The following HPS5 variants were observed in gnomAD, a reference collection of about 807,000 sequenced individuals.
HPS5 encodes the protein HPS5 biogenesis of lysosomal organelles complex 2 subunit 2.
Under a neutral mutation model 128.0 loss-of-function variants are expected in HPS5, and 83 were observed. That is an observed-to-expected ratio of 0.65 (90% CI 0.54 to 0.78). HPS5 has a LOEUF of 0.78. HPS5 is among the 30% of genes least tolerant of loss of function. The pLI, the probability that HPS5 is intolerant of heterozygous loss-of-function variation, is 0.00. For missense variants in HPS5, 1,281 were observed against 1,326.2 expected, an observed-to-expected ratio of 0.97 and a Z score of 0.53; for synonymous variants, 475 against 470.2, an observed-to-expected ratio of 1.01 and a Z score of -0.13.
Position 18,298,673 on chromosome 11 carries a change from T to A in HPS5, c.1164+119A>T, listed in dbSNP as rs1204181603. The A allele has an allele frequency of 7.5e-6, 7 of 934,074 alleles. No homozygotes were observed. In the African/African-American group the frequency reaches 8.1e-5, roughly 11 times the overall value. The allele number at this position is 934,074 out of a possible 1,614,324, so 57.9% of individuals were successfully genotyped here. A position where few individuals can be genotyped will look rare whatever the true frequency, so the allele number is the denominator to read the frequency against. ...CATGCTTTCTCTGGGCATGTATTGC[T>A]GTATCTGTAGGTCACACAGACAGGG... On this transcript the variant is annotated intron_variant, in intron 10 of 22. Coordinates refer to ENST00000349215, the MANE Select transcript of HPS5 (RefSeq NM_181507.2).
chr11:18,284,302 T>C (rs1489968316), intron 20 of HPS5, among the ~76,000 whole-genome samples: 1 of 152,232 alleles, frequency 6.6e-6, no homozygotes, highest in Non-Finnish European at 1.5e-5. Flanking sequence ...TCTCCAAATA[T>C]GTAAACCTTG....
intron 8 of HPS5, among the ~76,000 whole-genome samples, chr11:18,302,937 TG>T: frequency 6.8e-6 from 1 of 147,476 alleles, no homozygotes; most frequent in African/African-American, 2.5e-5. Flanking sequence ...CTAGATTAGA[TG>T]GGGGGCTGAG....
At position 18,287,408 on chromosome 11, in the gene HPS5, T is replaced by C. The variant is rs919285386; in HGVS notation, c.2717+127A>G. ...GAATGTTACAAGGCCTCCCAAATCC[T>C]CCTCTTCCATAGTATGTGCCTCAAC... On this transcript the variant is annotated intron_variant, in intron 18 of 22. Coordinates refer to ENST00000349215, the MANE Select transcript of HPS5 (RefSeq NM_181507.2). The C allele has an allele frequency of 3.9e-5, 40 of 1,034,156 alleles. No homozygotes were observed. The Admixed American group carries it at 7.2e-4, about 19-fold the overall frequency. The allele number at this position is 1,034,156 out of a possible 1,614,324, so 64.1% of individuals were successfully genotyped here.
At chr11:18,289,133 G>A (rs1434179987) in intron 16 of HPS5, among the ~76,000 whole-genome samples, 1 of 152,108 alleles carries the variant, frequency 6.6e-6, no homozygotes, top group Non-Finnish European at 1.5e-5. Context: ...AGAAGGGTGA[G>A]GCCTACTCAC....
In HPS5 at chr11:18,297,670, C is replaced by T. The variant is rs767250475; in HGVS notation, c.1212G>A (p.Gln404=). The part of the protein sequence containing the change: ...TADKLEHLKS[Q]LDHGTYNDLI... ...GATCATTGTAGGTGCCATGGTCCAG[C>T]TGAGATTTCAAATGCTCCAATTTAT... The change falls in exon 11 of 23, where the codon CAG becomes CAA. Residue 404 remains glutamine (Q), a synonymous_variant. Transcript: ENST00000349215. The T allele has an allele frequency of 8.7e-6, 14 of 1,614,072 alleles. No homozygotes were observed. The highest frequency in any genetic ancestry group is 1.2e-5 in the Non-Finnish European group (14 of 1,179,932).
At chr11:18,297,501 A>G in intron 11 of HPS5, 58 bp downstream of exon 11, 1 of 1,527,250 alleles carries the variant, frequency 6.5e-7, no homozygotes, top group African/African-American at 1.4e-5. Flanking sequence ...GTAAATAAGA[A>G]CAACCGAAGA....
At chr11:18,321,058 T>C (rs1461316017) in intron 1 of HPS5, among the ~76,000 whole-genome samples, 1 of 152,264 alleles carries the variant, frequency 6.6e-6, no homozygotes, top group Non-Finnish European at 1.5e-5. Context: ...AACAGCAGAA[T>C]GCTGATAATT....
intron 9 of HPS5, among the ~76,000 whole-genome samples, chr11:18,299,240 T>C (rs574818388): frequency 1.3e-5 from 2 of 152,336 alleles, no homozygotes; most frequent in East Asian, 3.9e-4. Context: ...TGAAAAGGAA[T>C]TGGGACATTA....
Position 18,283,674 on chromosome 11 carries a change from C to G in HPS5, c.3058+121G>C, listed in dbSNP as rs545740406. The G allele has an allele frequency of 2.2e-4, 162 of 737,572 alleles. No individual in the cohort carries two copies. In the African/African-American group the frequency reaches 2.5e-3, roughly 12 times the overall value. 45.7% of individuals were successfully genotyped at this position (737,572 alleles called of 1,614,324 possible). On this transcript the variant is annotated intron_variant, in intron 21 of 22. Transcript: ENST00000349215. ...AACAAAAACTCCACAAATGTGACAA[C>G]TAAGTGGAATCACATATTAAATATA...
intron 3 of HPS5, 29 bp downstream of exon 3, chr11:18,311,885 G>C (rs1452133128): frequency 7.6e-7 from 1 of 1,321,528 alleles, no homozygotes; most frequent in Non-Finnish European, 1.1e-6. Context: ...ACTCCAAATG[G>C]TGTATGACAG....
At chr11:18,314,210 C>T (rs1009717764) in intron 2 of HPS5, among the ~76,000 whole-genome samples, 9 of 152,066 alleles carry the variant, frequency 5.9e-5, no homozygotes, top group Non-Finnish European at 1.3e-4. Flanking sequence ...CACTGCACTC[C>T]AGCTTGGGCA....
chr11:18,289,124 G>C (rs75490390), intron 16 of HPS5, among the ~76,000 whole-genome samples: 4,043 of 152,270 alleles, frequency 0.027, 79 homozygotes, highest in African/African-American at 0.05. Context: ...CACATCATTA[G>C]AAGGGTGAGG....
chr11:18,292,181 C>A (rs1452308369), intron 15 of HPS5, among the ~76,000 whole-genome samples, 162 bp from the exon 16 acceptor site: 1 of 151,130 alleles, frequency 6.6e-6, no homozygotes, highest in Non-Finnish European at 1.5e-5. Context: ...GATGACAAAA[C>A]AGAGAACATA....
At chr11:18,310,667 T>C (rs1862868955) in intron 5 of HPS5, 74 bp downstream of exon 5, 1 of 1,205,508 alleles carries the variant, frequency 8.3e-7, no homozygotes, top group African/African-American at 1.5e-5. Flanking sequence ...TAAAATCACA[T>C]CCTTTAATTG....
At position 18,296,892 on chromosome 11, in the gene HPS5, G is replaced by A; in HGVS notation, c.1416C>T (p.Ser472=). The A allele has an allele frequency of 6.2e-7, 1 of 1,612,458 alleles. No homozygotes were observed. The highest frequency in any genetic ancestry group is 1.1e-5 in the South Asian group (1 of 91,058). ...ATCTCTCATCTTCTGAGAGGGTTTG[G>A]CTGTGAAGGGAGCAAGAGTCTTCAT... ...QSDEDSCSLH[S]QTLSEDERFK... is the part of the protein sequence containing the mutation. Residue 472 remains serine, a synonymous_variant, in exon 12 of 23, where the codon AGC becomes AGT. Coordinates refer to ENST00000349215, the MANE Select transcript of HPS5 (RefSeq NM_181507.2).
chr11:18,317,180 C>T (rs1429296237), intron 2 of HPS5, among the ~76,000 whole-genome samples: 3 of 96,728 alleles, frequency 3.1e-5, no homozygotes, highest in South Asian at 4.4e-4. Flanking sequence ...GGCAACAGAG[C>T]GAGACTCCGT....
chr11:18,305,249 A>T (rs1381506132), intron 8 of HPS5, among the ~76,000 whole-genome samples, 173 bp downstream of exon 8: 1 of 152,234 alleles, frequency 6.6e-6, no homozygotes. Flanking sequence ...TATTTCTAGG[A>T]TCTTTCCATT....
chr11:18,281,912 C>G, intron 22 of HPS5, 38 bp downstream of exon 22: 1 of 1,613,306 alleles, frequency 6.2e-7, no homozygotes, highest in Non-Finnish European at 8.5e-7. Context: ...TCTACCTTCT[C>G]CAAGCACTAT....
intron 22 of HPS5, among the ~76,000 whole-genome samples, chr11:18,281,385 T>C (rs993019260): frequency 3.3e-5 from 5 of 151,740 alleles, no homozygotes; most frequent in African/African-American, 1.2e-4. Context: ...TAAGCCACCG[T>C]ACCCAGCCAG....
Sources: allele counts gnomAD v4.1 joint callset (sites outside exome capture counted in the v4.1 genomes callset), GRCh38; gene constraint gnomAD v4.1.1; transcripts MANE v1.5; gene names NCBI Gene and HGNC (gene_info 2026-07-23, HGNC 2026-07-21).